Variants in PCDH15 observed in about 807,000 individuals in gnomAD.
PCDH15 encodes protocadherin-15.
A neutral mutation model predicts 178.5 loss-of-function variants in PCDH15; 129 were observed. The observed-to-expected ratio is 0.72, with a 90% CI of 0.63 to 0.84. The LOEUF is 0.84. Among genes scored for constraint, PCDH15 ranks in the 40% least tolerant of loss-of-function variants. The pLI, the probability that PCDH15 is intolerant of heterozygous loss-of-function variation, is 0.00. For synonymous variants in PCDH15, 800 were observed against 732.0 expected (o/e 1.09, Z -1.50); for missense variants, 2,230 against 2,099.9 (o/e 1.06, Z -1.21).
At chr10:55,114,696 G>A (rs1837588024) in intron 2 of PCDH15, among the ~76,000 whole-genome samples, 1 of 152,108 alleles carries the variant, frequency 6.6e-6, no homozygotes. Flanking sequence ...ACTCAATAAG[G>A]ATAAAGACAC....
intron 2 of PCDH15, among the ~76,000 whole-genome samples, chr10:54,563,239 G>A (rs1365307687): frequency 6.6e-6 from 1 of 152,082 alleles, no homozygotes; most frequent in Non-Finnish European, 1.5e-5. Flanking sequence ...AATAAGCCCA[G>A]TTACTAATAA....
At chr10:54,490,043 G>A (rs1414298457) in intron 3 of PCDH15, among the ~76,000 whole-genome samples, 1 of 152,152 alleles carries the variant, frequency 6.6e-6, no homozygotes, top group Non-Finnish European at 1.5e-5. Flanking sequence ...CTGCTTCTCT[G>A]ACATGAACAC....
chr10:54,122,008 C>G (rs1416132635), intron 15 of PCDH15, among the ~76,000 whole-genome samples: 5 of 149,856 alleles, frequency 3.3e-5, no homozygotes, highest in South Asian at 2.1e-4. Context: ...CACATACACA[C>G]ACACACACAC....
chr10:55,479,235 T>G (rs1044195348), intron 2 of PCDH15, among the ~76,000 whole-genome samples: 3 of 151,354 alleles, frequency 2.0e-5, no homozygotes, highest in African/African-American at 7.3e-5. Flanking sequence ...GCATGTAAAA[T>G]TCCTCAACAA....
chr10:55,161,175 G>A (rs1196745179), intron 2 of PCDH15, among the ~76,000 whole-genome samples: 1 of 152,218 alleles, frequency 6.6e-6, no homozygotes, highest in Middle Eastern at 3.4e-3. Context: ...TGGGTACCAA[G>A]GCTGAAAGAG....
In PCDH15 at chr10:54,527,893, A is replaced by C; in HGVS notation, c.92-16T>G. The C allele has an allele frequency of 6.3e-7, 1 of 1,595,812 alleles. No individual in the cohort carries two copies. Among genetic ancestry groups the C allele is most frequent in the Non-Finnish European group, 8.6e-7 (1 of 1,163,822 alleles). On this transcript the variant is annotated splice_polypyrimidine_tract_variant and intron_variant, in intron 2 of 37. Transcript: ENST00000644397. ...AGTTTGCAATCTAAAGAGAGAAAAT[A>C]ACCAAAAGTAATAATTGACTGCAGG...
At chr10:54,086,233 T>C (rs770925459) in intron 16 of PCDH15, among the ~76,000 whole-genome samples, 5 of 152,070 alleles carry the variant, frequency 3.3e-5, no homozygotes, top group Admixed American at 6.6e-5. Context: ...TGTGCAGAGA[T>C]CACATGGTGA....
chr10:55,434,924 C>T (rs1839003768), intron 2 of PCDH15, among the ~76,000 whole-genome samples: 1 of 152,028 alleles, frequency 6.6e-6, no homozygotes, highest in African/African-American at 2.4e-5. Flanking sequence ...TATTTAAACT[C>T]AAAACTTCTA....
intron 2 of PCDH15, among the ~76,000 whole-genome samples, chr10:55,065,038 G>T (rs1489711416): frequency 6.6e-6 from 1 of 151,942 alleles, no homozygotes; most frequent in African/African-American, 2.4e-5. Flanking sequence ...AAAATATTCA[G>T]CCAGCTAATT....
chr10:54,268,245 C>T (rs1232554068), intron 8 of PCDH15, among the ~76,000 whole-genome samples: 3 of 151,732 alleles, frequency 2.0e-5, no homozygotes, highest in African/African-American at 4.8e-5. Flanking sequence ...TGAAATTAGG[C>T]TCCTGTCTCT....
At chr10:54,499,997 A>T in intron 3 of PCDH15, among the ~76,000 whole-genome samples, 1 of 152,176 alleles carries the variant, frequency 6.6e-6, no homozygotes, top group Non-Finnish European at 1.5e-5. Flanking sequence ...ATGCGCACAT[A>T]TGTTCATTGC....
At chr10:54,003,589 A>G (rs2135044640) in intron 20 of PCDH15, among the ~76,000 whole-genome samples, 1 of 152,200 alleles carries the variant, frequency 6.6e-6, no homozygotes, top group East Asian at 1.9e-4. Context: ...ACAAACTAGT[A>G]TCAAGTAACA....
chr10:54,287,115 T>A (rs2059077567), intron 8 of PCDH15, among the ~76,000 whole-genome samples: 1 of 152,228 alleles, frequency 6.6e-6, no homozygotes, highest in East Asian at 1.9e-4. Context: ...TTTCTATTCC[T>A]TTTTTAATTT....
At chr10:54,177,609 G>C (rs1469537996) in intron 13 of PCDH15, among the ~76,000 whole-genome samples, 1 of 151,928 alleles carries the variant, frequency 6.6e-6, no homozygotes, top group Admixed American at 6.6e-5. Flanking sequence ...TAACAAAAAA[G>C]ATGAAATGAT....
At chr10:54,613,413 G>A (rs1185642027) in intron 2 of PCDH15, among the ~76,000 whole-genome samples, 1 of 151,644 alleles carries the variant, frequency 6.6e-6, no homozygotes, top group Non-Finnish European at 1.5e-5. Context: ...TCACTTTGTG[G>A]CATAAGTAAC....
intron 1 of PCDH15, among the ~76,000 whole-genome samples, chr10:55,255,322 T>C (rs1037783251): frequency 6.6e-6 from 1 of 152,248 alleles, no homozygotes; most frequent in Non-Finnish European, 1.5e-5. Flanking sequence ...ATGGTGTGTA[T>C]GTGCCACATT....
At chr10:55,255,706 A>G (rs1222858988) in intron 1 of PCDH15, among the ~76,000 whole-genome samples, 2 of 152,192 alleles carry the variant, frequency 1.3e-5, no homozygotes, top group African/African-American at 4.8e-5. Context: ...ATGGCCAGTG[A>G]TGATGAGCAT....
intron 2 of PCDH15, among the ~76,000 whole-genome samples, chr10:55,081,909 C>A (rs1253057299): frequency 1.3e-5 from 2 of 152,104 alleles, no homozygotes; most frequent in African/African-American, 4.8e-5. Flanking sequence ...AGTACTGGAG[C>A]ACCCAGACAT....
intron 25 of PCDH15, among the ~76,000 whole-genome samples, chr10:53,906,342 T>C (rs950257741): frequency 1.3e-5 from 2 of 152,134 alleles, no homozygotes; most frequent in African/African-American, 4.8e-5. Flanking sequence ...AAATGTTTCT[T>C]TCTATAAATA....
Sources: allele counts gnomAD v4.1 joint callset (sites outside exome capture counted in the v4.1 genomes callset), GRCh38; gene constraint gnomAD v4.1.1; transcripts MANE v1.5; gene names NCBI Gene and HGNC (gene_info 2026-07-23, HGNC 2026-07-21).